Variants in COL14A1 observed in about 807,000 individuals in gnomAD.
COL14A1 encodes the protein collagen alpha-1(XIV) chain.
A neutral mutation model predicts 230.3 loss-of-function variants in COL14A1; 136 were observed. The observed-to-expected ratio is 0.59, with a 90% CI of 0.51 to 0.68. COL14A1 has a LOEUF of 0.68. Among genes scored for constraint, COL14A1 ranks in the 30% least tolerant of loss-of-function variants. The pLI is 0.00. For missense variants in COL14A1, 1,976 were observed against 2,215.8 expected (o/e 0.89, Z 2.17); for synonymous variants, 792 against 784.1 (o/e 1.01, Z -0.17).
intron 46 of COL14A1, 74 bp downstream of exon 46, chr8:120,367,322 T>A: frequency 8.1e-7 from 1 of 1,227,108 alleles, no homozygotes. Context: ...GTGAGGAAAA[T>A]GGTCATCTTA....
At chr8:120,176,753 G>A (rs1165889253) in intron 5 of COL14A1, among the ~76,000 whole-genome samples, 1 of 152,158 alleles carries the variant, frequency 6.6e-6, no homozygotes, top group African/African-American at 2.4e-5. Context: ...GTGTGGGCTA[G>A]AATTTATGCA....
chr8:120,255,205 C>T (rs371937256), intron 22 of COL14A1, 35 bp from the exon 23 acceptor site: 23 of 1,500,648 alleles, frequency 1.5e-5, no homozygotes, highest in Middle Eastern at 3.4e-4. Context: ...GTGTTGTCTG[C>T]GGTGTGATAC....
chr8:120,159,116 C>A (rs1586725547), intron 3 of COL14A1, among the ~76,000 whole-genome samples: 1 of 152,272 alleles, frequency 6.6e-6, no homozygotes, highest in South Asian at 2.1e-4. Context: ...TATGAATTTG[C>A]AACTCAAGGT....
intron 19 of COL14A1, among the ~76,000 whole-genome samples, chr8:120,236,950 C>T (rs577443717): frequency 3.9e-5 from 6 of 152,326 alleles, no homozygotes; most frequent in East Asian, 1.9e-4. Context: ...TTGGCCCCCA[C>T]GCTCTTCTGG....
chr8:120,362,984 A>G (rs1328103490), intron 45 of COL14A1, among the ~76,000 whole-genome samples: 1 of 152,204 alleles, frequency 6.6e-6, no homozygotes, highest in Non-Finnish European at 1.5e-5. Context: ...AGCCAATTAT[A>G]TTCATCTCTA....
At chr8:120,327,339 T>C (rs926768692) in intron 40 of COL14A1, among the ~76,000 whole-genome samples, 2 of 152,150 alleles carry the variant, frequency 1.3e-5, no homozygotes, top group African/African-American at 4.8e-5. Context: ...GTTCATAGAC[T>C]CTTATGTGAG....
chr8:120,313,485 A>C (rs537409364), intron 37 of COL14A1, among the ~76,000 whole-genome samples: 1 of 152,312 alleles, frequency 6.6e-6, no homozygotes, highest in Non-Finnish European at 1.5e-5. Context: ...GGCTAGGTGC[A>C]AAGTTCTCAA....
chr8:120,195,339 A>G (rs992417770), intron 5 of COL14A1, among the ~76,000 whole-genome samples: 6 of 152,144 alleles, frequency 3.9e-5, no homozygotes, highest in South Asian at 2.1e-4. Context: ...AGATTTTTTT[A>G]GACCAGCAAG....
chr8:120,326,492 A>C (rs189008359), intron 40 of COL14A1, among the ~76,000 whole-genome samples: 2 of 152,354 alleles, frequency 1.3e-5, no homozygotes, highest in East Asian at 3.9e-4. Flanking sequence ...CTTGCAAATA[A>C]AAAATCTTTC....
At position 120,227,372 on chromosome 8, in the gene COL14A1, C is replaced by T; in HGVS notation, c.2137+20C>T. ...CCACACGTAAGTCTTGGTCTGGCCA[C>T]AGTGCGTTTTAGCTGCTCCCACAAT... On this transcript the variant is annotated intron_variant, in intron 17 of 47. Coordinates refer to ENST00000297848, the MANE Select transcript of COL14A1 (RefSeq NM_021110.4). 1 of 1,612,672 alleles carries T rather than the reference C, an allele frequency of 6.2e-7. No individual in the cohort carries two copies. Among genetic ancestry groups the T allele is most frequent in the South Asian group, 1.1e-5 (1 of 91,004 alleles).
intron 5 of COL14A1, among the ~76,000 whole-genome samples, chr8:120,169,221 A>G (rs774705116): frequency 1.3e-5 from 2 of 152,166 alleles, no homozygotes; most frequent in African/African-American, 2.4e-5. Flanking sequence ...ATGCTGTAAC[A>G]ACGTATTTCT....
chr8:120,132,845 T>C (rs1348675356), intron 1 of COL14A1, among the ~76,000 whole-genome samples: 1 of 152,146 alleles, frequency 6.6e-6, no homozygotes, highest in East Asian at 1.9e-4. Flanking sequence ...AAGTAACCTC[T>C]CCAAGAGTAC....
chr8:120,238,584 C>T (rs1203681086), intron 19 of COL14A1, among the ~76,000 whole-genome samples: 4 of 152,172 alleles, frequency 2.6e-5, no homozygotes, highest in African/African-American at 7.2e-5. Flanking sequence ...CACTGGGATC[C>T]CTGGCTTCAG....
chr8:120,219,489 G>T (rs1177112834), intron 14 of COL14A1, among the ~76,000 whole-genome samples: 1 of 152,158 alleles, frequency 6.6e-6, no homozygotes, highest in Non-Finnish European at 1.5e-5. Context: ...ACCTGAATTT[G>T]CAGGTGTATT....
chr8:120,192,141 C>G (rs145949282), intron 5 of COL14A1, among the ~76,000 whole-genome samples: 1 of 152,138 alleles, frequency 6.6e-6, no homozygotes, highest in Non-Finnish European at 1.5e-5. Flanking sequence ...TTCTTAGTCT[C>G]AATGGTCTTT....
chr8:120,366,921 GAGAA>G (rs1218215312), intron 45 of COL14A1, among the ~76,000 whole-genome samples: 1 of 152,204 alleles, frequency 6.6e-6, no homozygotes, highest in Non-Finnish European at 1.5e-5. Flanking sequence ...CAGTAGGAAG[GAGAA>G]AGAGAGACTG....
chr8:120,308,314 G>A (rs1820915265), intron 36 of COL14A1, among the ~76,000 whole-genome samples: 1 of 152,164 alleles, frequency 6.6e-6, no homozygotes, highest in Admixed American at 6.5e-5. Context: ...AAAATTGTGG[G>A]AATAAAACTA....
chr8:120,146,075 C>CT (rs1815081122), intron 1 of COL14A1, among the ~76,000 whole-genome samples: 1 of 152,178 alleles, frequency 6.6e-6, no homozygotes, highest in Non-Finnish European at 1.5e-5. Flanking sequence ...CCTGAACTCA[C>CT]TAGCTCTGTG....
At chr8:120,168,283 T>G (rs1219644090) in intron 5 of COL14A1, 36 bp downstream of exon 5, 1 of 1,494,890 alleles carries the variant, frequency 6.7e-7, no homozygotes, top group Admixed American at 1.8e-5. Context: ...TATTGGGAGT[T>G]GGGTTGTTTT....
Sources: gnomAD v4.1 joint callset for allele counts (sites outside exome capture counted in the v4.1 genomes callset) on GRCh38, gnomAD v4.1.1 for gene constraint, MANE v1.5 for transcripts, NCBI Gene and HGNC (gene_info 2026-07-23, HGNC 2026-07-21) for gene names.